TRPM3: variants seen among roughly 807,000 people sequenced by gnomAD.
TRPM3 encodes the protein long transient receptor potential channel 3.
Under a neutral mutation model 181.2 loss-of-function variants are expected in TRPM3, and 77 were observed. The ratio of observed to expected loss-of-function variants is 0.42; its 90% CI spans 0.35 to 0.51. The LOEUF (loss-of-function observed/expected upper bound fraction) is 0.51, where lower values mean the gene tolerates loss of function less well. Among genes scored for constraint, TRPM3 ranks in the 20% least tolerant of loss-of-function variants. The probability of loss-of-function intolerance (pLI) is 0.01; values close to 1 mark genes in which losing one functional copy is unlikely to be tolerated. For synonymous variants in TRPM3, 745 were observed against 796.4 expected (o/e 0.94, Z 1.09); for missense variants, 1,759 against 2,196.7 (o/e 0.80, Z 3.98).
At chr9:70,579,775 G>A (rs892338649) in intron 22 of TRPM3, among the ~76,000 whole-genome samples, 2 of 152,164 alleles carry the variant, frequency 1.3e-5, no homozygotes, top group East Asian at 1.9e-4. Flanking sequence ...GGCAAACTGG[G>A]CATCTGCCAG....
chr9:70,561,721 C>T (rs1013962054), intron 22 of TRPM3, among the ~76,000 whole-genome samples: 2 of 152,078 alleles, frequency 1.3e-5, no homozygotes, highest in African/African-American at 4.8e-5. Context: ...TGGTGGGAGG[C>T]CTTGGTTTCT....
chr9:70,894,142 C>T (rs1211164654), intron 1 of TRPM3, among the ~76,000 whole-genome samples: 2 of 152,286 alleles, frequency 1.3e-5, no homozygotes, highest in Middle Eastern at 3.4e-3. Context: ...TCACGTGCTC[C>T]TTGTTGAGCT....
At chr9:70,912,948 G>A (rs754636424) in intron 1 of TRPM3, among the ~76,000 whole-genome samples, 9 of 152,096 alleles carry the variant, frequency 5.9e-5, no homozygotes, top group Non-Finnish European at 7.4e-5. Flanking sequence ...CATTTACATC[G>A]TTCCCAACAG....
At position 70,534,157 on chromosome 9, in the gene TRPM3, A is replaced by G. The variant is rs1487656902; in HGVS notation, c.*1796T>C. On this transcript the variant is annotated 3_prime_UTR_variant, in exon 26 of 26. Transcript: ENST00000677713. ...ATCTAGAAGATTATGCCTCTACTTT[A>G]GAGTCTGTAACACTAGCTGGTTTAA... 6.6e-6 allele frequency: 1 copy of G among 152,226 alleles called. No individual in the cohort carries two copies. The highest frequency in any genetic ancestry group is 1.9e-4 in the East Asian group (1 of 5,204). The allele number at this position is 152,226 out of a possible 1,614,324, so 9.4% of individuals were successfully genotyped here. A position where few individuals can be genotyped will look rare whatever the true frequency, so the allele number is the denominator to read the frequency against.
chr9:70,906,992 G>A (rs2096475459), intron 1 of TRPM3, among the ~76,000 whole-genome samples: 1 of 152,050 alleles, frequency 6.6e-6, no homozygotes, highest in African/African-American at 2.4e-5. Flanking sequence ...AATTGAAAAA[G>A]GACAAACCCA....
intron 1 of TRPM3, among the ~76,000 whole-genome samples, chr9:71,127,118 G>T (rs140309644): frequency 4.5e-4 from 69 of 151,874 alleles, no homozygotes; most frequent in African/African-American, 1.6e-3. Flanking sequence ...TATGTTATAG[G>T]GGTACTTTAA....
intron 9 of TRPM3, among the ~76,000 whole-genome samples, chr9:70,644,150 G>C (rs751413364): frequency 6.6e-6 from 1 of 152,166 alleles, no homozygotes; most frequent in African/African-American, 2.4e-5. Context: ...AGGTAGCTAA[G>C]GTCAACCTCT....
chr9:70,862,817 C>T (rs1201126024), intron 3 of TRPM3, 91 bp downstream of exon 3: 18 of 1,354,788 alleles, frequency 1.3e-5, no homozygotes, highest in Non-Finnish European at 1.8e-5. Flanking sequence ...AGATTAGGCC[C>T]AAAGACTAAA....
At chr9:70,903,287 C>G (rs1419254416) in intron 1 of TRPM3, among the ~76,000 whole-genome samples, 1 of 152,208 alleles carries the variant, frequency 6.6e-6, no homozygotes, top group Non-Finnish European at 1.5e-5. Flanking sequence ...AAACAAAGAT[C>G]TGAGCTTTCC....
intron 19 of TRPM3, among the ~76,000 whole-genome samples, chr9:70,604,320 G>A (rs1240690992): frequency 6.6e-6 from 1 of 152,166 alleles, no homozygotes; most frequent in East Asian, 1.9e-4. Context: ...CTTGCATAAG[G>A]GGCTGAGGAG....
At chr9:71,387,068 C>A (rs960836063) in intron 1 of TRPM3, among the ~76,000 whole-genome samples, 3 of 152,074 alleles carry the variant, frequency 2.0e-5, no homozygotes, top group African/African-American at 7.2e-5. Flanking sequence ...TAAGTTAGGT[C>A]AAATTTTTCA....
At chr9:71,213,961 C>T (rs2079683354) in intron 1 of TRPM3, among the ~76,000 whole-genome samples, 1 of 152,140 alleles carries the variant, frequency 6.6e-6, no homozygotes, top group African/African-American at 2.4e-5. Context: ...AGTCTAAAAT[C>T]TTACATTGTG....
At chr9:70,749,012 T>A (rs1252946146) in intron 8 of TRPM3, among the ~76,000 whole-genome samples, 1 of 151,752 alleles carries the variant, frequency 6.6e-6, no homozygotes, top group African/African-American at 2.4e-5. Context: ...TCCGGTTGCA[T>A]GCCAACACAA....
intron 1 of TRPM3, among the ~76,000 whole-genome samples, chr9:71,096,595 C>CTCTCTCTG (rs1554824646): frequency 1.9e-5 from 2 of 104,428 alleles, no homozygotes; most frequent in African/African-American, 6.1e-5. Context: ...CACACACTCT[C>CTCTCTCTG]TCTCTCTCTC....
intron 1 of TRPM3, among the ~76,000 whole-genome samples, chr9:71,001,567 G>T (rs967270294): frequency 6.6e-6 from 1 of 152,056 alleles, no homozygotes; most frequent in African/African-American, 2.4e-5. Context: ...GTCTATTAGG[G>T]AAAAAAGCCA....
intron 1 of TRPM3, among the ~76,000 whole-genome samples, chr9:71,022,032 T>G (rs1046989384): frequency 1.3e-5 from 2 of 152,190 alleles, no homozygotes; most frequent in African/African-American, 4.8e-5. Context: ...CTGTTGCTTT[T>G]TATTATAAAT....
intron 1 of TRPM3, among the ~76,000 whole-genome samples, chr9:71,192,142 C>G (rs2078068884): frequency 6.6e-6 from 1 of 151,754 alleles, no homozygotes; most frequent in South Asian, 2.1e-4. Context: ...AATAAGACAT[C>G]CAAACGGTAT....
At chr9:70,991,245 T>A (rs78959910) in intron 1 of TRPM3, among the ~76,000 whole-genome samples, 12,602 of 152,200 alleles carry the variant, frequency 0.083, 678 homozygotes, top group Non-Finnish European at 0.13. Context: ...TTTCACTAAT[T>A]TATTATTGAA....
chr9:71,208,428 A>C (rs1467225727), intron 1 of TRPM3, among the ~76,000 whole-genome samples: 1 of 151,152 alleles, frequency 6.6e-6, no homozygotes, highest in African/African-American at 2.5e-5. Flanking sequence ...CCCACCAAAA[A>C]CAGGAATATA....
Sources: allele counts gnomAD v4.1 joint callset (sites outside exome capture counted in the v4.1 genomes callset), GRCh38; gene constraint gnomAD v4.1.1; transcripts MANE v1.5; gene names NCBI Gene and HGNC (gene_info 2026-07-23, HGNC 2026-07-21).